The following CSMD1 variants were observed in gnomAD, a reference collection of about 807,000 sequenced individuals.
CSMD1 encodes CUB and sushi domain-containing protein 1.
In CSMD1, 213 loss-of-function variants were observed where a neutral mutation model predicts 417.5. The ratio of observed to expected loss-of-function variants is 0.51; its 90% CI spans 0.46 to 0.57. The LOEUF (loss-of-function observed/expected upper bound fraction) is 0.57. Among genes scored for constraint, CSMD1 ranks in the 20% least tolerant of loss-of-function variants. CSMD1 has a pLI of 0.00. For synonymous variants in CSMD1, 2,862 were observed against 1,736.8 expected (o/e 1.65, Z -16.11); for missense variants, 6,923 against 4,529.7 (o/e 1.53, Z -15.17).
At chr8:4,538,768 G>C (rs556064990) in intron 2 of CSMD1, among the ~76,000 whole-genome samples, 1 of 152,226 alleles carries the variant, frequency 6.6e-6, no homozygotes, top group African/African-American at 2.4e-5. Flanking sequence ...GATGAAGTTA[G>C]TGTTTACCCA....
intron 1 of CSMD1, among the ~76,000 whole-genome samples, chr8:4,697,731 C>G (rs1416663242): frequency 6.6e-6 from 1 of 152,034 alleles, no homozygotes; most frequent in East Asian, 1.9e-4. Context: ...TAGTTAATAA[C>G]TCAAAGTAAA....
chr8:4,493,679 A>T (rs1801837574), intron 2 of CSMD1, among the ~76,000 whole-genome samples: 1 of 152,166 alleles, frequency 6.6e-6, no homozygotes, highest in Non-Finnish European at 1.5e-5. Context: ...CGAGTGAGAG[A>T]GTGCAACTCT....
rs370167290 is a variant in CSMD1, at chr8:3,932,683, A to C, written c.818+65220T>G. Reference sequence around the variant, plus strand: ...CTCAAAAAGCCGGTCCAATAAACTCATAAGATCGTAATTCATTGTGGTGGA... The same window carrying C: ...CTCAAAAAGCCGGTCCAATAAACTCCTAAGATCGTAATTCATTGTGGTGGA... On this transcript the variant is annotated intron_variant, in intron 5 of 69. Coordinates refer to ENST00000635120, the MANE Select transcript of CSMD1 (RefSeq NM_033225.6). Among the ~76,000 whole-genome samples the C allele has an allele frequency of 1.3e-4, 20 of 150,726 alleles. 1 individual carries two copies. The highest frequency in any genetic ancestry group is 4.6e-4 in the African/African-American group (19 of 40,940).
At chr8:3,751,984 T>C (rs1482673815) in intron 6 of CSMD1, among the ~76,000 whole-genome samples, 1 of 152,184 alleles carries the variant, frequency 6.6e-6, no homozygotes, top group African/African-American at 2.4e-5. Context: ...TGGTACGGGA[T>C]GGACATATCC....
chr8:4,379,233 A>G (rs989262899), intron 3 of CSMD1, among the ~76,000 whole-genome samples: 2 of 152,232 alleles, frequency 1.3e-5, no homozygotes, highest in African/African-American at 2.4e-5. Context: ...GGAAAATATC[A>G]GAAAGCCTCA....
intron 1 of CSMD1, among the ~76,000 whole-genome samples, chr8:4,743,430 G>C (rs768949849): frequency 6.6e-6 from 1 of 152,088 alleles, no homozygotes; most frequent in Non-Finnish European, 1.5e-5. Context: ...AAAAATGAAC[G>C]TGTGTCAAGA....
intron 3 of CSMD1, among the ~76,000 whole-genome samples, chr8:4,332,552 T>TACACACACAC (rs368534632): frequency 2.9e-4 from 38 of 128,816 alleles, no homozygotes; most frequent in East Asian, 7.8e-4. Flanking sequence ...TGATATCACA[T>TACACACACAC]ACACACACAC....
intron 10 of CSMD1, among the ~76,000 whole-genome samples, chr8:3,526,572 G>C (rs1003045789): frequency 6.6e-6 from 1 of 152,144 alleles, no homozygotes; most frequent in African/African-American, 2.4e-5. Flanking sequence ...ATGCATCATT[G>C]CCTGTGTTTA....
At chr8:4,750,781 T>A (rs1433029765) in intron 1 of CSMD1, among the ~76,000 whole-genome samples, 2 of 151,902 alleles carry the variant, frequency 1.3e-5, no homozygotes, top group African/African-American at 4.8e-5. Context: ...AGTATTAGCA[T>A]AAAATGTTTC....
At chr8:3,347,162 A>G (rs1035722361) in intron 22 of CSMD1, among the ~76,000 whole-genome samples, 2 of 152,246 alleles carry the variant, frequency 1.3e-5, no homozygotes, top group Non-Finnish European at 2.9e-5. Flanking sequence ...GCTGGGCCGC[A>G]TGTGGCCTGT....
intron 5 of CSMD1, among the ~76,000 whole-genome samples, chr8:3,971,420 T>C (rs77727417): frequency 0.022 from 3,270 of 151,178 alleles, 52 homozygotes; most frequent in Non-Finnish European, 0.03. Flanking sequence ...TTCAATATAT[T>C]TTTTGGCCCT....
At chr8:4,446,765 G>GTGTGTGTC (rs1798831325) in intron 2 of CSMD1, among the ~76,000 whole-genome samples, 2 of 94,416 alleles carry the variant, frequency 2.1e-5, no homozygotes, top group African/African-American at 1.2e-4. Flanking sequence ...CTGTGTGTGT[G>GTGTGTGTC]TGTGTGTGTG....
In CSMD1 at chr8:4,583,257, G is replaced by A. The variant is rs1365330357; in HGVS notation, c.302+54085C>T. Among the ~76,000 whole-genome samples the A allele has an allele frequency of 5.9e-5, 9 of 152,228 alleles. No homozygotes were observed. The South Asian group carries it at 1.0e-3, about 18-fold the overall frequency. Reference sequence around the variant, plus strand: ...GGCAGGCAGCTCCACCTGCAGCCGTGGTGCGGGACCCACCGAGTGAAGCCA... The same window carrying A: ...GGCAGGCAGCTCCACCTGCAGCCGTAGTGCGGGACCCACCGAGTGAAGCCA... On this transcript the variant is annotated intron_variant, in intron 2 of 69. Coordinates refer to ENST00000635120, the MANE Select transcript of CSMD1 (RefSeq NM_033225.6).
At chr8:3,285,279 A>G (rs1803059488) in intron 25 of CSMD1, among the ~76,000 whole-genome samples, 1 of 152,206 alleles carries the variant, frequency 6.6e-6, no homozygotes, top group African/African-American at 2.4e-5. Flanking sequence ...TAAGGTATGG[A>G]ATGTGTGGTG....
chr8:4,690,151 T>TA (rs747204840), intron 1 of CSMD1, among the ~76,000 whole-genome samples: 2 of 152,220 alleles, frequency 1.3e-5, no homozygotes, highest in Non-Finnish European at 2.9e-5. Flanking sequence ...ACAATGCTCA[T>TA]AATTTAAGAT....
intron 3 of CSMD1, among the ~76,000 whole-genome samples, chr8:4,159,492 G>A (rs765409296): frequency 7.0e-4 from 106 of 152,136 alleles, no homozygotes; most frequent in Non-Finnish European, 1.3e-3. Context: ...TCAACGAGTG[G>A]ATAAAGAAAC....
intron 33 of CSMD1, among the ~76,000 whole-genome samples, chr8:3,196,852 C>A (rs974127597): frequency 1.3e-5 from 2 of 152,142 alleles, no homozygotes; most frequent in African/African-American, 4.8e-5. Flanking sequence ...CCCGTTCATT[C>A]AACGGCACGA....
chr8:2,998,874 A>AT (rs1299076372), intron 53 of CSMD1, among the ~76,000 whole-genome samples: 2 of 152,082 alleles, frequency 1.3e-5, no homozygotes, highest in Admixed American at 6.6e-5. Flanking sequence ...CTTGTCAACA[A>AT]TTTTTTTCCT....
At position 4,619,122 on chromosome 8, in the gene CSMD1, T is replaced by C. The variant is rs374088536; in HGVS notation, c.302+18220A>G. Among the ~76,000 whole-genome samples, 6 of 152,284 alleles carry C rather than the reference T, an allele frequency of 3.9e-5. No homozygotes were observed. In the East Asian group the frequency reaches 1.2e-3, roughly 29 times the overall value. On this transcript the variant is annotated intron_variant, in intron 2 of 69. Transcript: ENST00000635120. Reference sequence around the variant, plus strand: ...TATCCTGGTTGAATTTCTCTAGTCTTTTGCCCTAGATTTAACTCATGAGAA... The same window carrying C: ...TATCCTGGTTGAATTTCTCTAGTCTCTTGCCCTAGATTTAACTCATGAGAA...
Sources: gnomAD v4.1 joint callset for allele counts (sites outside exome capture counted in the v4.1 genomes callset) on GRCh38, gnomAD v4.1.1 for gene constraint, MANE v1.5 for transcripts, NCBI Gene and HGNC (gene_info 2026-07-23, HGNC 2026-07-21) for gene names.